Variants in RGS6 observed in about 807,000 individuals in gnomAD.
RGS6 encodes regulator of G protein signaling 6, also known as regulator of G-protein signaling 6.
Under a neutral mutation model 78.5 loss-of-function variants are expected in RGS6, and 30 were observed. The observed-to-expected ratio is 0.38, with a 90% CI of 0.29 to 0.52. The LOEUF (loss-of-function observed/expected upper bound fraction) is 0.52, where lower values mean the gene tolerates loss of function less well. RGS6 is among the 20% of genes least tolerant of loss of function. The pLI is 0.85. For missense variants in RGS6, 495 were observed against 609.7 expected, an observed-to-expected ratio of 0.81 and a Z score of 1.98; for synonymous variants, 206 against 206.0, an observed-to-expected ratio of 1.00 and a Z score of 0.00.
At chr14:72,628,046 T>C in the RGS6 span, among the ~76,000 whole-genome samples, 1 of 152,228 alleles carries the variant, frequency 6.6e-6, no homozygotes, top group South Asian at 2.1e-4. Flanking sequence ...TATACTATCA[T>C]ATAATACAAA....
intron 2 of RGS6, among the ~76,000 whole-genome samples, chr14:72,040,389 T>A (rs1596464791): frequency 6.6e-6 from 1 of 152,168 alleles, no homozygotes; most frequent in Non-Finnish European, 1.5e-5. Flanking sequence ...GCCATGGTAT[T>A]TTGTGTTGGC....
intron 3 of RGS6, among the ~76,000 whole-genome samples, chr14:72,365,488 C>A (rs968171969): frequency 6.6e-6 from 1 of 152,148 alleles, no homozygotes; most frequent in Non-Finnish European, 1.5e-5. Flanking sequence ...TACAACCTTC[C>A]TAAGGTGTCG....
chr14:72,534,309 T>C (rs908963827), intron 15 of RGS6, among the ~76,000 whole-genome samples: 8 of 152,268 alleles, frequency 5.3e-5, no homozygotes, highest in Admixed American at 3.3e-4. Flanking sequence ...GCACACATCA[T>C]TGACTACATA....
intron 2 of RGS6, among the ~76,000 whole-genome samples, chr14:72,068,442 A>C (rs2094261267): frequency 6.7e-6 from 1 of 148,966 alleles, no homozygotes; most frequent in Non-Finnish European, 1.5e-5. Flanking sequence ...GCCGAATATC[A>C]GTTCTTTTTA....
chr14:72,151,518 A>G (rs1321166200), intron 2 of RGS6, among the ~76,000 whole-genome samples: 6 of 152,190 alleles, frequency 3.9e-5, no homozygotes, highest in Non-Finnish European at 8.8e-5. Context: ...TCACGTGAAG[A>G]CTAGCATGGG....
chr14:72,514,787 C>A (rs1598558661), intron 14 of RGS6, among the ~76,000 whole-genome samples: 1 of 152,234 alleles, frequency 6.6e-6, no homozygotes, highest in East Asian at 1.9e-4. Context: ...GATGCAGCTG[C>A]TGGCATTTCA....
At chr14:72,067,000 T>C (rs576465748) in intron 2 of RGS6, among the ~76,000 whole-genome samples, 1 of 152,294 alleles carries the variant, frequency 6.6e-6, no homozygotes, top group South Asian at 2.1e-4. Context: ...CTCATTCTTT[T>C]TTATGGCTGC....
At chr14:72,365,620 C>T (rs1047549762) in intron 3 of RGS6, among the ~76,000 whole-genome samples, 3 of 152,188 alleles carry the variant, frequency 2.0e-5, no homozygotes, top group Admixed American at 6.5e-5. Context: ...CTGAAAGCAC[C>T]TGTTTCGATC....
intron 14 of RGS6, 37 bp downstream of exon 14, chr14:72,510,316 G>A (rs373094590): frequency 6.2e-7 from 1 of 1,613,368 alleles, no homozygotes; most frequent in Non-Finnish European, 8.5e-7. Flanking sequence ...TGCGGAATGT[G>A]TGTGAAGAAA....
intron 3 of RGS6, among the ~76,000 whole-genome samples, chr14:72,453,860 C>T (rs927379059): frequency 6.6e-6 from 1 of 152,042 alleles, no homozygotes; most frequent in Non-Finnish European, 1.5e-5. Context: ...CCACATCCAG[C>T]CAGTAGATGG....
intron 14 of RGS6, among the ~76,000 whole-genome samples, chr14:72,514,359 T>C: frequency 6.6e-6 from 1 of 152,214 alleles, no homozygotes; most frequent in East Asian, 1.9e-4. Flanking sequence ...AACTGGTGAC[T>C]GAGGGCCTGC....
At chr14:72,135,673 G>C (rs1376229318) in intron 2 of RGS6, among the ~76,000 whole-genome samples, 1 of 152,030 alleles carries the variant, frequency 6.6e-6, no homozygotes, top group African/African-American at 2.4e-5. Flanking sequence ...ATTTTTGTGG[G>C]GGTGGGTGGA....
chr14:71,953,415 AGT>A (rs1225244438), intron 1 of RGS6, among the ~76,000 whole-genome samples: 1 of 152,194 alleles, frequency 6.6e-6, no homozygotes, highest in Non-Finnish European at 1.5e-5. Flanking sequence ...TATTTATAAA[AGT>A]GTATTTATGG....
At chr14:71,981,361 T>A (rs1566952964) in intron 2 of RGS6, among the ~76,000 whole-genome samples, 1 of 152,232 alleles carries the variant, frequency 6.6e-6, no homozygotes, top group Non-Finnish European at 1.5e-5. Context: ...TTTCCCGTTT[T>A]TCTATTCTGT....
chr14:72,501,283 T>C (rs11158958), intron 13 of RGS6, among the ~76,000 whole-genome samples: 108,780 of 152,082 alleles, frequency 0.72, 40,312 homozygotes, highest in East Asian at 0.96. Context: ...GAATCACGGA[T>C]AAGATGACAT....
intron 2 of RGS6, among the ~76,000 whole-genome samples, chr14:72,155,199 T>C (rs1413214146): frequency 2.0e-5 from 3 of 152,256 alleles, no homozygotes; most frequent in African/African-American, 7.2e-5. Context: ...CGGATTCTTG[T>C]CTCTGGTTAG....
intron 2 of RGS6, among the ~76,000 whole-genome samples, chr14:72,256,417 A>G (rs2057094032): frequency 6.6e-6 from 1 of 152,210 alleles, no homozygotes; most frequent in Non-Finnish European, 1.5e-5. Flanking sequence ...TGTTATCTAT[A>G]GGAGCAATTT....
intron 17 of RGS6, chr14:72,547,280 A>G: frequency 6.5e-7 from 1 of 1,535,588 alleles, no homozygotes; most frequent in Non-Finnish European, 8.7e-7. Context: ...GGTCAAGGAG[A>G]GGAGACCCAA....
the RGS6 span, among the ~76,000 whole-genome samples, chr14:72,588,363 G>A: frequency 6.6e-6 from 1 of 152,168 alleles, no homozygotes; most frequent in Non-Finnish European, 1.5e-5. Context: ...CGTGAGAGAC[G>A]CCTCTGAGGA....
Sources: gnomAD v4.1 joint callset for allele counts (sites outside exome capture counted in the v4.1 genomes callset) on GRCh38, gnomAD v4.1.1 for gene constraint, MANE v1.5 for transcripts, NCBI Gene and HGNC (gene_info 2026-07-23, HGNC 2026-07-21) for gene names.